REG3A: variants seen among roughly 807,000 people sequenced by gnomAD.
The protein encoded by REG3A is regenerating family member 3 alpha.
A neutral mutation model predicts 20.5 loss-of-function variants in REG3A; 15 were observed. The observed-to-expected ratio is 0.73, with a 90% CI of 0.49 to 1.12. The LOEUF is 1.12. Among genes scored for constraint, REG3A ranks in the 50% most tolerant of loss-of-function variants. The pLI, the probability that REG3A is intolerant of heterozygous loss-of-function variation, is 0.00. For synonymous variants in REG3A, 93 were observed against 83.2 expected (o/e 1.12, Z -0.64); for missense variants, 224 against 213.1 (o/e 1.05, Z -0.32).
rs74415661 is a variant in REG3A, at chr2:79,159,294, A to C, written c.76+36T>G. On this transcript the variant is annotated intron_variant, in intron 2 of 5. Transcript: ENST00000305165. ...CTCCTCTTGTTAGCTCTGAGGATTC[A>C]TAGGGAACCCAGTGCTAGAGGCAAA... is the stretch of plus-strand genomic sequence containing the variant. 3.1e-6 allele frequency: 5 copies of C among 1,605,258 alleles called. No homozygotes were observed. The East Asian group carries it at 6.7e-5, about 21-fold the overall frequency.
rs1441491649 is a variant in REG3A, at chr2:79,159,237, G to A, written c.76+93C>T. ...TGCAGGCAGGTTCATTAGACACCAC[G>A]TCATTACCTCACATGACACACAGGA... On this transcript the variant is annotated intron_variant, in intron 2 of 5. Transcript: ENST00000305165. 1.9e-5 allele frequency: 26 copies of A among 1,360,180 alleles called. No homozygotes were observed. In the East Asian group the frequency reaches 3.7e-4, roughly 19 times the overall value. The allele number at this position is 1,360,180 out of a possible 1,614,324, so 84.3% of individuals were successfully genotyped here.
In REG3A at chr2:79,157,605, G is replaced by A. The variant is rs753136032; in HGVS notation, c.427C>T (p.Pro143Ser). The change falls in exon 5 of 6, where the codon CCC becomes TCC. Residue 143 changes from proline to serine, a missense_variant. By Grantham distance (74) the Pro-to-Ser change is moderately conservative. Coordinates refer to ENST00000305165, the MANE Select transcript of REG3A (RefSeq NM_002580.3). ...CTCGACAGGCTCGCACAGTGGCCGG[G>A]GCTTGAGATGGTGGAGGGATTTCTC... ...WERNPSTISS[P>S]GHCASLSRST... is the part of the protein sequence containing the mutation. 1.7e-5 allele frequency: 27 copies of A among 1,614,072 alleles called. No individual in the cohort carries two copies. The highest frequency in any genetic ancestry group is 2.1e-5 in the Non-Finnish European group (25 of 1,180,042).
At position 79,157,257 on chromosome 2, in the gene REG3A, C is replaced by T. The variant is rs1673335751; in HGVS notation, c.497G>A (p.Arg166Lys). The change falls in exon 6 of 6, where the codon AGG becomes AAG. Residue 166 changes from arginine to lysine, a missense_variant. Coordinates refer to ENST00000305165, the MANE Select transcript of REG3A (RefSeq NM_002580.3). ...LRWKDYNCNV[R>K]LPYVCKFTD Reference sequence around the variant, plus strand: ...AGTGAACTTGCAGACATAGGGTAACCTCACATTACAGTTATAATCTTTCCA... The same window carrying T: ...AGTGAACTTGCAGACATAGGGTAACTTCACATTACAGTTATAATCTTTCCA... 3 of 1,614,026 alleles carry T rather than the reference C, an allele frequency of 1.9e-6. No individual in the cohort carries two copies. The South Asian group carries it at 3.3e-5, about 18-fold the overall frequency.
chr2:79,159,542 A>T (rs1186976551), intron 1 of REG3A, 103 bp from the exon 2 acceptor site: 2 of 796,164 alleles, frequency 2.5e-6, no homozygotes, highest in Admixed American at 4.4e-5. Context: ...GGTCACATCC[A>T]TCATCTTCTA....
rs1572956992 is a variant in REG3A at position 79,158,370 on chromosome 2, T to A, written c.289A>T (p.Asn97Tyr). 1.2e-5 allele frequency: 20 copies of A among 1,613,960 alleles called. No homozygotes were observed. The highest frequency in any genetic ancestry group is 1.6e-5 in the Non-Finnish European group (19 of 1,180,010). The change falls in exon 4 of 6, where the codon AAC becomes TAC. Residue 97 changes from asparagine (N) to tyrosine (Y), a missense_variant. Coordinates refer to ENST00000305165, the MANE Select transcript of REG3A (RefSeq NM_002580.3). ...CCAATCCAGACGTATGAGTAGCTGT[T>A]ACCAATGCTCTTCACCAGGGAGGAC... ...FVSSLVKSIG[N>Y]SYSYVWIGLH...
chr2:79,158,787 G>T lies in REG3A; in HGVS notation c.77-18C>A, dbSNP rs2272110. ...TTCTTCACCTGAGGTGGAAGAAGAG[G>T]GGGGAGGGTAAAATGAAGAGTGGGG... On this transcript the variant is annotated intron_variant, in intron 2 of 5. Coordinates refer to ENST00000305165, the MANE Select transcript of REG3A (RefSeq NM_002580.3). The T allele has an allele frequency of 6.3e-6, 10 of 1,599,482 alleles. No individual in the cohort carries two copies. The highest frequency in any genetic ancestry group is 8.6e-6 in the Non-Finnish European group (10 of 1,167,722).
At position 79,159,444 on chromosome 2, in the gene REG3A, A is replaced by G. The variant is rs372450124; in HGVS notation, c.-34-5T>C. 45 of 1,605,332 alleles carry G rather than the reference A, an allele frequency of 2.8e-5. 2 individuals carry two copies. In the African/African-American group the frequency reaches 4.3e-4, roughly 15 times the overall value. ...TGAGGAGGCAATCAGGAGTCACTAAAGAAAGCGTGGTCAGTGGGAGAACAC... is the reference window on the plus strand; with the variant it reads ...TGAGGAGGCAATCAGGAGTCACTAAGGAAAGCGTGGTCAGTGGGAGAACAC... On this transcript the variant is annotated splice_region_variant and splice_polypyrimidine_tract_variant and intron_variant, in intron 1 of 5. Coordinates refer to ENST00000305165, the MANE Select transcript of REG3A (RefSeq NM_002580.3).
In REG3A at chr2:79,158,685, A is replaced by G. The variant is rs1673374894; in HGVS notation, c.161T>C (p.Leu54Ser). 2 of 1,614,088 alleles carry G rather than the reference A, an allele frequency of 1.2e-6. No individual in the cohort carries two copies. Among genetic ancestry groups the G allele is most frequent in the Non-Finnish European group, 1.7e-6 (2 of 1,180,042 alleles). Residue 54 changes from leucine to serine, a missense_variant, in exon 3 of 6, where the codon TTG becomes TCG. Transcript: ENST00000305165. ...TGTCCAGGATTTTGGTGACAAAAACAAGGCATAGCAGTGGGAGCCATAGGC... is the reference window on the plus strand; with the variant it reads ...TGTCCAGGATTTTGGTGACAAAAACGAGGCATAGCAGTGGGAGCCATAGGC... ...SKAYGSHCYA[L>S]FLSPKSWTDA...
chr2:79,158,994 T>C, intron 2 of REG3A: 1 of 583,674 alleles, frequency 1.7e-6, no homozygotes, highest in Non-Finnish European at 3.0e-6. Flanking sequence ...CATTCAATAC[T>C]CTCCTCACTC....
intron 3 of REG3A, 37 bp from the exon 4 acceptor site, chr2:79,158,500 G>C (rs1272450928): frequency 1.2e-6 from 2 of 1,612,690 alleles, no homozygotes; most frequent in Non-Finnish European, 1.7e-6. Context: ...GGGAGCCTGA[G>C]ACCTGCTGAG....
chr2:79,159,330 C>T lies in REG3A; in HGVS notation c.76G>A (p.Gly26Ser), dbSNP rs544174610. 11 of 1,613,890 alleles carry T rather than the reference C, an allele frequency of 6.8e-6. No homozygotes were observed. Among genetic ancestry groups the T allele is most frequent in the Admixed American group, 6.7e-5 (4 of 59,996 alleles). The change falls in exon 2 of 6, where the codon GGT (glycine) becomes AGT (serine). Residue 26 changes from glycine to serine, a missense_variant and splice_region_variant. Gly to Ser is a moderately conservative substitution (Grantham distance 56). Coordinates refer to ENST00000305165, the MANE Select transcript of REG3A (RefSeq NM_002580.3). ...AGTGCTAGAGGCAAAGCAATCTCAC[C>T]TTGAACCTGAGACAGCAGCATGAGG... Reference protein sequence around the residue: ...SCLMLLSQVQGEEPQRELPSA... With the variant: ...SCLMLLSQVQSEEPQRELPSA...
rs1462100046 is a variant in REG3A at position 79,158,380 on chromosome 2, C to T, written c.279G>A (p.Lys93=). Residue 93 remains lysine, a synonymous_variant, in exon 4 of 6, where the codon AAG becomes AAA. Transcript: ENST00000305165. ...CGTATGAGTAGCTGTTACCAATGCT[C>T]TTCACCAGGGAGGACACGAAGGATC... ...AEGSFVSSLV[K]SIGNSYSYVW... 1 of 1,614,154 alleles carries T rather than the reference C, an allele frequency of 6.2e-7. No individual in the cohort carries two copies. The highest frequency in any genetic ancestry group is 8.5e-7 in the Non-Finnish European group (1 of 1,180,032).
chr2:79,158,189 T>G, intron 4 of REG3A, 137 bp downstream of exon 4: 1 of 1,039,306 alleles, frequency 9.6e-7, no homozygotes, highest in Non-Finnish European at 1.4e-6. Flanking sequence ...GGCCTTCCCT[T>G]TCCCCCCAAA....
At position 79,157,632 on chromosome 2, in the gene REG3A, C is replaced by G. The variant is rs1239541266; in HGVS notation, c.400G>C (p.Glu134Gln). The G allele has an allele frequency of 3.7e-6, 6 of 1,614,146 alleles. No homozygotes were observed. In the South Asian group the frequency reaches 6.6e-5, roughly 18 times the overall value. Reference protein sequence around the residue: ...SSDVMNYFAWERNPSTISSPG... With the variant: ...SSDVMNYFAWQRNPSTISSPG... ...CTTGAGATGGTGGAGGGATTTCTCT[C>G]CCATGCAAAGTAATTCATCACATCA... The change falls in exon 5 of 6, where the codon GAG (glutamate) becomes CAG (glutamine). Residue 134 changes from glutamate (E) to glutamine (Q), a missense_variant. Physicochemically the swap from Glu to Gln is conservative, Grantham distance 29 (BLOSUM62 2). Coordinates refer to ENST00000305165, the MANE Select transcript of REG3A (RefSeq NM_002580.3).
At chr2:79,158,983 C>A in intron 2 of REG3A, 1 of 589,522 alleles carries the variant, frequency 1.7e-6, no homozygotes, top group Non-Finnish European at 3.0e-6. Context: ...CCTTATTCAA[C>A]CATTCAATAC....
rs137901701 is a variant in REG3A, at chr2:79,159,576, T to G, written c.-34-137A>C. ...TACAGTTCTGAATGAGTTGTGAATC[T>G]GTGTACTCTCCCATCCCCGAGCCCT... On this transcript the variant is annotated intron_variant, in intron 1 of 5. Coordinates refer to ENST00000305165, the MANE Select transcript of REG3A (RefSeq NM_002580.3). 6.1e-4 allele frequency: 409 copies of G among 666,164 alleles called. 1 individual carries two copies. In the African/African-American group the frequency reaches 6.4e-3, roughly 10 times the overall value. The allele number at this position is 666,164 out of a possible 1,614,324, so 41.3% of individuals were successfully genotyped here.
Position 79,157,196 on chromosome 2 carries a change from C to G in REG3A, c.*30G>C, listed in dbSNP as rs1673334571. ...CTCATGCCCATGATGAGTTGCACAC[C>G]AAACACAGGCTGCTGACTTCCCTCC... On this transcript the variant is annotated 3_prime_UTR_variant, in exon 6 of 6. Coordinates refer to ENST00000305165, the MANE Select transcript of REG3A (RefSeq NM_002580.3). 1.3e-6 allele frequency: 2 copies of G among 1,592,934 alleles called. No individual in the cohort carries two copies. The highest frequency in any genetic ancestry group is 1.7e-5 in the Admixed American group (1 of 59,996).
At position 79,158,705 on chromosome 2, in the gene REG3A, A is replaced by G. The variant is rs1287283541; in HGVS notation, c.141T>C (p.Tyr47=). 6.2e-7 allele frequency: 1 copy of G among 1,614,084 alleles called. No individual in the cohort carries two copies. Among genetic ancestry groups the G allele is most frequent in the South Asian group, 1.1e-5 (1 of 91,078 alleles). ...AAAACAAGGCATAGCAGTGGGAGCC[A>G]TAGGCCTTGGAGCCTTTGGGACAGC... ...RIRCPKGSKA[Y]GSHCYALFLS... Residue 47 remains tyrosine (Y), a synonymous_variant, in exon 3 of 6, where the codon TAT becomes TAC. Transcript: ENST00000305165.
At chr2:79,158,590 T>A in intron 3 of REG3A, 61 bp downstream of exon 3, 1 of 1,606,186 alleles carries the variant, frequency 6.2e-7, no homozygotes, top group Non-Finnish European at 8.5e-7. Context: ...GGAACTCTCC[T>A]GAATGGAGAC....
Sources: gnomAD v4.1 joint callset for allele counts on GRCh38, gnomAD v4.1.1 for gene constraint, MANE v1.5 for transcripts, NCBI Gene and HGNC (gene_info 2026-07-23, HGNC 2026-07-21) for gene names.